The following TAF2 variants were observed in gnomAD, a reference collection of about 807,000 sequenced individuals.
TAF2 encodes transcription initiation factor TFIID subunit 2.
A neutral mutation model predicts 138.5 loss-of-function variants in TAF2; 61 were observed. The observed-to-expected ratio is 0.44, with a 90% confidence interval of 0.36 to 0.54. The LOEUF (loss-of-function observed/expected upper bound fraction) is 0.54. Among genes scored for constraint, TAF2 ranks in the 20% least tolerant of loss-of-function variants. The pLI, the probability that TAF2 is intolerant of heterozygous loss-of-function variation, is 0.00. For synonymous variants in TAF2, 475 were observed against 469.9 expected, an observed-to-expected ratio of 1.01 and a Z score of -0.14; for missense variants, 1,090 against 1,427.9, an observed-to-expected ratio of 0.76 and a Z score of 3.81.
chr8:119,795,711 T>C (rs962993660), intron 8 of TAF2, 80 bp from the exon 9 acceptor site: 2 of 1,247,730 alleles, frequency 1.6e-6, no homozygotes, highest in Admixed American at 1.8e-5. Context: ...ACGGAATAAG[T>C]GTAGTGTGTA....
At position 119,746,873 on chromosome 8, in the gene TAF2, G is replaced by A. The variant is rs1045236536; in HGVS notation, c.2940C>T (p.Gly980=). The A allele has an allele frequency of 1.2e-6, 2 of 1,613,948 alleles. No homozygotes were observed. Among genetic ancestry groups the A allele is most frequent in the Non-Finnish European group, 1.7e-6 (2 of 1,180,018 alleles). ...AGGGTAAACAGGAAGGTCTACTGAGGCCAAAAAGTGTGAAGTACAAGTCCA... is the reference window on the plus strand; with the variant it reads ...AGGGTAAACAGGAAGGTCTACTGAGACCAAAAAGTGTGAAGTACAAGTCCA... ...GAVDLYFTLF[G]LSRPSCLPLP... is the part of the protein sequence containing the mutation. Residue 980 remains glycine, a synonymous_variant, in exon 23 of 26, where the codon GGC becomes GGT. Transcript: ENST00000378164.
chr8:119,796,173 A>G (rs565345176), intron 8 of TAF2, among the ~76,000 whole-genome samples: 38 of 151,784 alleles, frequency 2.5e-4, no homozygotes, highest in Non-Finnish European at 5.5e-4. Context: ...TACCCACTCC[A>G]TCCATCCATC....
intron 23 of TAF2, 146 bp downstream of exon 23, chr8:119,746,559 T>C (rs1819989578): frequency 1.2e-6 from 1 of 821,864 alleles, no homozygotes; most frequent in African/African-American, 1.7e-5. Flanking sequence ...GGCACAGTAC[T>C]AATCAAATGT....
Position 119,731,975 on chromosome 8 carries a change from G to C in TAF2, c.3549C>G (p.Phe1183Leu). 1 of 1,614,198 alleles carries C rather than the reference G, an allele frequency of 6.2e-7. No homozygotes were observed. Among genetic ancestry groups the C allele is most frequent in the Non-Finnish European group, 8.5e-7 (1 of 1,180,042 alleles). Residue 1183 changes from phenylalanine (F) to leucine (L), a missense_variant, in exon 26 of 26, where the codon TTC (phenylalanine) becomes TTG (leucine). Transcript: ENST00000378164. ...SKEKDKEPFT[F>L]SSPASGRSIR... ...TAGACCTGCCACTGGCAGGGCTGGA[G>C]AAAGTGAAAGGCTCCTTGTCCTTTT...
intron 10 of TAF2, 26 bp from the exon 11 acceptor site, chr8:119,791,485 A>C: frequency 6.8e-6 from 11 of 1,606,088 alleles, no homozygotes; most frequent in Non-Finnish European, 8.5e-6. Context: ...ACATTTACCT[A>C]ATACAGCAAA....
rs551578178 is a variant in TAF2, at chr8:119,812,667, G to A, written c.300-6266C>T. Among the ~76,000 whole-genome samples, 133 of 151,766 alleles carry A rather than the reference G, an allele frequency of 8.8e-4. 1 individual carries two copies. Among genetic ancestry groups the A allele is most frequent in the Non-Finnish European group, 1.7e-3 (117 of 68,002 alleles). ...AATACTGGCCTCCAGTTCCAGCCAC[G>A]TTGCTACAAAAGACATTTCATTATT... On this transcript the variant is annotated intron_variant, in intron 3 of 25. Coordinates refer to ENST00000378164, the MANE Select transcript of TAF2 (RefSeq NM_003184.4).
At chr8:119,753,373 C>T (rs1820485245) in intron 22 of TAF2, among the ~76,000 whole-genome samples, 2 of 151,936 alleles carry the variant, frequency 1.3e-5, no homozygotes, top group South Asian at 4.2e-4. Context: ...TTCATTTATC[C>T]CAAAGGTTCA....
intron 9 of TAF2, among the ~76,000 whole-genome samples, chr8:119,793,919 GT>G (rs1382967355): frequency 6.8e-6 from 1 of 146,120 alleles, no homozygotes; most frequent in Non-Finnish European, 1.5e-5. Context: ...AAAAGGGGGG[GT>G]TGGGGGCAGT....
At chr8:119,745,712 T>C (rs577260934) in intron 23 of TAF2, among the ~76,000 whole-genome samples, 114 of 152,256 alleles carry the variant, frequency 7.5e-4, no homozygotes, top group African/African-American at 2.6e-3. Context: ...ATGATTAATA[T>C]GTATCCTATA....
At chr8:119,814,193 G>T (rs1825290004) in intron 3 of TAF2, among the ~76,000 whole-genome samples, 1 of 151,978 alleles carries the variant, frequency 6.6e-6, no homozygotes, top group South Asian at 2.1e-4. Context: ...TATTCAAGTA[G>T]AAGATGAAAT....
rs569220008 is a variant in TAF2, at chr8:119,811,043, TATA to T, written c.300-4645_300-4643del. On this transcript the variant is annotated intron_variant, in intron 3 of 25. Coordinates refer to ENST00000378164, the MANE Select transcript of TAF2 (RefSeq NM_003184.4). ...GAAGTCAAAAATTACAGTGTAAAAT[TATA>T]ATGTGTTTTCAATTTTCAGAATAAT... 1.9e-3 allele frequency among the ~76,000 whole-genome samples: 294 copies of T among 152,280 alleles called. 2 individuals carry two copies. The highest frequency in any genetic ancestry group is 5.6e-3 in the African/African-American group (233 of 41,560).
rs1346394614 is a variant in TAF2 at position 119,730,985 on chromosome 8, T to C, written c.*939A>G. 1 of 152,204 alleles carries C rather than the reference T, an allele frequency of 6.6e-6. No individual in the cohort carries two copies. Among genetic ancestry groups the C allele is most frequent in the Non-Finnish European group, 1.5e-5 (1 of 68,022 alleles). 9.4% of individuals were successfully genotyped at this position (152,204 alleles called of 1,614,324 possible). On this transcript the variant is annotated 3_prime_UTR_variant, in exon 26 of 26. Transcript: ENST00000378164. ...CATATAAAGAAATCAAAATATTTCATATGTTTTTAAATGCTTATGGTATGA... is the reference window on the plus strand; with the variant it reads ...CATATAAAGAAATCAAAATATTTCACATGTTTTTAAATGCTTATGGTATGA...
intron 3 of TAF2, among the ~76,000 whole-genome samples, chr8:119,809,474 T>C (rs1226117125): frequency 6.6e-6 from 1 of 152,220 alleles, no homozygotes; most frequent in Non-Finnish European, 1.5e-5. Context: ...GGAGCAGTAC[T>C]TTTAATTTCC....
intron 18 of TAF2, among the ~76,000 whole-genome samples, chr8:119,764,046 G>A (rs1319878796): frequency 1.7e-5 from 2 of 116,406 alleles, no homozygotes; most frequent in Admixed American, 2.0e-4. Flanking sequence ...TTACTTGGGC[G>A]GCTGAAGCAG....
chr8:119,757,059 A>G (rs1455585549), intron 21 of TAF2, among the ~76,000 whole-genome samples: 7 of 152,198 alleles, frequency 4.6e-5, no homozygotes, highest in African/African-American at 1.7e-4. Context: ...AAATTTTTAC[A>G]TTTAACTGAC....
intron 18 of TAF2, among the ~76,000 whole-genome samples, chr8:119,768,197 G>C (rs1175288622): frequency 6.6e-6 from 1 of 152,056 alleles, no homozygotes; most frequent in African/African-American, 2.4e-5. Context: ...ATCAACCCTG[G>C]GGTTCCCACC....
rs1823579587 is a variant in TAF2 at position 119,793,393 on chromosome 8, A to G, written c.1250T>C (p.Ile417Thr). The change falls in exon 10 of 26, where the codon ATA becomes ACA. Residue 417 changes from isoleucine (I) to threonine (T), a missense_variant. Physicochemically the swap from Ile to Thr is moderately conservative, Grantham distance 89. Transcript: ENST00000378164. Reference protein sequence around the residue: ...LKTGGVLLHPIFGGGKEKDNP... With the variant: ...LKTGGVLLHPTFGGGKEKDNP... ...ATCCTTCTCTTTTCCTCCACCAAATATGGGATGTAGTAAAACCCCACCAGT... is the reference window on the plus strand; with the variant it reads ...ATCCTTCTCTTTTCCTCCACCAAATGTGGGATGTAGTAAAACCCCACCAGT... 1.9e-6 allele frequency: 3 copies of G among 1,612,964 alleles called. No individual in the cohort carries two copies. The highest frequency in any genetic ancestry group is 2.5e-6 in the Non-Finnish European group (3 of 1,179,260).
chr8:119,820,783 T>C (rs1479252656), intron 2 of TAF2, among the ~76,000 whole-genome samples: 1 of 152,134 alleles, frequency 6.6e-6, no homozygotes, highest in Admixed American at 6.6e-5. Context: ...AGCCATACAC[T>C]TAAATTAGAA....
At chr8:119,737,813 C>CT (rs527919044) in intron 25 of TAF2, among the ~76,000 whole-genome samples, 2 of 151,512 alleles carry the variant, frequency 1.3e-5, no homozygotes, top group African/African-American at 4.8e-5. Flanking sequence ...TGGCCTAAAG[C>CT]TTTTTTTTAA....
Sources: allele counts gnomAD v4.1 joint callset (sites outside exome capture counted in the v4.1 genomes callset), GRCh38; gene constraint gnomAD v4.1.1; transcripts MANE v1.5; gene names NCBI Gene and HGNC (gene_info 2026-07-23, HGNC 2026-07-21).